ITPRID1: variants seen among roughly 807,000 people sequenced by gnomAD.
The protein encoded by ITPRID1 is protein ITPRID1.
ITPRID1 carries 96 observed loss-of-function variants against 95.4 expected under a neutral mutation model. The observed-to-expected ratio is 1.01, with a 90% CI of 0.85 to 1.19. The LOEUF (loss-of-function observed/expected upper bound fraction) is 1.19. Ranked by LOEUF, ITPRID1 falls within the 50% of genes most tolerant of loss-of-function variation. The pLI is 0.00. For missense variants in ITPRID1, 1,339 were observed against 1,252.9 expected, an observed-to-expected ratio of 1.07 and a Z score of -1.04; for synonymous variants, 510 against 453.6, an observed-to-expected ratio of 1.12 and a Z score of -1.58.
chr7:31,643,970 G>A lies in ITPRID1; in HGVS notation c.2583+17G>A. The A allele has an allele frequency of 1.3e-6, 2 of 1,581,744 alleles. No homozygotes were observed. The highest frequency in any genetic ancestry group is 1.7e-6 in the Non-Finnish European group (2 of 1,165,406). Reference sequence around the variant, plus strand: ...CTATGTTCCGTAAGTGTTCACCCTGGCAAAGATGGAAAGGCAGATGCACCC... The same window carrying A: ...CTATGTTCCGTAAGTGTTCACCCTGACAAAGATGGAAAGGCAGATGCACCC... On this transcript the variant is annotated intron_variant, in intron 12 of 14. Transcript: ENST00000615280.
intron 10 of ITPRID1, among the ~76,000 whole-genome samples, chr7:31,603,042 A>G (rs902529913): frequency 2.0e-5 from 3 of 152,036 alleles, no homozygotes; most frequent in African/African-American, 7.2e-5. Flanking sequence ...TCTTGGGGGT[A>G]GCCACACTTC....
At chr7:31,638,029 G>T (rs1789652829) in intron 10 of ITPRID1, among the ~76,000 whole-genome samples, 1 of 152,074 alleles carries the variant, frequency 6.6e-6, no homozygotes, top group Admixed American at 6.6e-5. Context: ...TTCAGGATGG[G>T]CTGCCCTCTC....
chr7:31,598,130 T>A (rs1039393363), intron 10 of ITPRID1, among the ~76,000 whole-genome samples: 3 of 152,088 alleles, frequency 2.0e-5, no homozygotes, highest in Non-Finnish European at 4.4e-5. Context: ...ACAGTGTAAG[T>A]GTAAAAAGTA....
downstream of ITPRID1, chr7:31,658,481 A>C (rs1419434315): frequency 4.8e-5 from 57 of 1,181,440 alleles, no homozygotes; most frequent in Non-Finnish European, 5.9e-5. Context: ...TTAGAGTATC[A>C]AAGTGGTGCC....
intron 8 of ITPRID1, among the ~76,000 whole-genome samples, chr7:31,575,863 G>A (rs1198042938): frequency 6.8e-6 from 1 of 146,344 alleles, no homozygotes; most frequent in African/African-American, 2.5e-5. Context: ...GGTAAAATGG[G>A]TCTCAAAACT....
chr7:31,553,623 C>G (rs1482483839), intron 3 of ITPRID1, among the ~76,000 whole-genome samples: 2 of 152,182 alleles, frequency 1.3e-5, no homozygotes, highest in Non-Finnish European at 2.9e-5. Context: ...TCCCTGCCCC[C>G]ATTATGTAAC....
At chr7:31,590,912 A>G (rs1160729165) in intron 10 of ITPRID1, among the ~76,000 whole-genome samples, 1 of 152,252 alleles carries the variant, frequency 6.6e-6, no homozygotes, top group Non-Finnish European at 1.5e-5. Flanking sequence ...ACAAGCATGG[A>G]GAGGTTAAAT....
Position 31,643,255 on chromosome 7 carries a change from A to T in ITPRID1, c.1885A>T (p.Thr629Ser). The change falls in exon 12 of 15, where the codon ACC becomes TCC. Residue 629 changes from threonine (T) to serine (S), a missense_variant. Transcript: ENST00000615280. ...EEESSGFCPH[T>S]NHSLLVPESS... ...GGAAAGCAGTGGATTCTGTCCTCACACCAACCACAGCTTACTCGTACCAGA... is the reference window on the plus strand; with the variant it reads ...GGAAAGCAGTGGATTCTGTCCTCACTCCAACCACAGCTTACTCGTACCAGA... 6.2e-7 allele frequency: 1 copy of T among 1,613,766 alleles called. No homozygotes were observed. The highest frequency in any genetic ancestry group is 8.5e-7 in the Non-Finnish European group (1 of 1,179,878).
chr7:31,654,836 T>C lies in ITPRID1; in HGVS notation c.*2007T>C, dbSNP rs371440485. ...CAAGTAACCTCAGAAACTAATTCTATTGAAACCACCCACTACTCAAAACCA... is the reference window on the plus strand; with the variant it reads ...CAAGTAACCTCAGAAACTAATTCTACTGAAACCACCCACTACTCAAAACCA... On this transcript the variant is annotated 3_prime_UTR_variant, in exon 15 of 15. Coordinates refer to ENST00000615280, the MANE Select transcript of ITPRID1 (RefSeq NM_001257967.3). Among the ~76,000 whole-genome samples the C allele has an allele frequency of 3.3e-5, 5 of 152,180 alleles. No individual in the cohort carries two copies. Among genetic ancestry groups the C allele is most frequent in the East Asian group, 3.8e-4 (2 of 5,198 alleles).
chr7:31,561,899 T>C (rs548842861), intron 5 of ITPRID1, among the ~76,000 whole-genome samples: 16 of 152,122 alleles, frequency 1.1e-4, no homozygotes, highest in Non-Finnish European at 1.9e-4. Context: ...GACCTTCCTG[T>C]AACCACAAAC....
chr7:31,626,201 A>G (rs1435825708), intron 10 of ITPRID1, among the ~76,000 whole-genome samples: 1 of 152,224 alleles, frequency 6.6e-6, no homozygotes. Context: ...TTGTAAAAGC[A>G]AAGTTCTTTA....
At chr7:31,559,756 C>T (rs1289272335) in intron 5 of ITPRID1, among the ~76,000 whole-genome samples, 1 of 152,140 alleles carries the variant, frequency 6.6e-6, no homozygotes, top group East Asian at 1.9e-4. Flanking sequence ...CACATAAAAC[C>T]CATGATGAAA....
rs1790925395 is a variant in ITPRID1 at position 31,651,287 on chromosome 7, C to G, written c.2711+18C>G. 1 of 1,609,722 alleles carries G rather than the reference C, an allele frequency of 6.2e-7. No individual in the cohort carries two copies. The highest frequency in any genetic ancestry group is 1.7e-5 in the Admixed American group (1 of 59,682). Reference sequence around the variant, plus strand: ...GAGGAAAGGTAATTACCTAAGGGAGCCATAAAAGTAAGTACCAGCCCACAC... The same window carrying G: ...GAGGAAAGGTAATTACCTAAGGGAGGCATAAAAGTAAGTACCAGCCCACAC... On this transcript the variant is annotated intron_variant, in intron 13 of 14. Transcript: ENST00000615280.
Position 31,653,019 on chromosome 7 carries a change from G to T in ITPRID1, c.*190G>T. On this transcript the variant is annotated 3_prime_UTR_variant, in exon 15 of 15. Coordinates refer to ENST00000615280, the MANE Select transcript of ITPRID1 (RefSeq NM_001257967.3). ...AATACTCATTCAGTATAGAATAACTGAGCACCTAGTATGTGCCTGGCACAG... is the reference window on the plus strand; with the variant it reads ...AATACTCATTCAGTATAGAATAACTTAGCACCTAGTATGTGCCTGGCACAG... 7.2e-7 allele frequency: 1 copy of T among 1,387,418 alleles called. No individual in the cohort carries two copies. Among genetic ancestry groups the T allele is most frequent in the Non-Finnish European group, 9.4e-7 (1 of 1,061,746 alleles). The allele number at this position is 1,387,418 out of a possible 1,614,324, so 85.9% of individuals were successfully genotyped here. A position where few individuals can be genotyped will look rare whatever the true frequency, so the allele number is the denominator to read the frequency against.
rs368570779 is a variant in ITPRID1, at chr7:31,554,985, G to T, written c.256+84G>T. 9.7e-6 allele frequency: 10 copies of T among 1,035,222 alleles called. No homozygotes were observed. In the East Asian group the frequency reaches 1.0e-4, roughly 11 times the overall value. The allele number at this position is 1,035,222 out of a possible 1,614,324, so 64.1% of individuals were successfully genotyped here. A position where few individuals can be genotyped will look rare whatever the true frequency, so the allele number is the denominator to read the frequency against. On this transcript the variant is annotated intron_variant, in intron 5 of 14. Coordinates refer to ENST00000615280, the MANE Select transcript of ITPRID1 (RefSeq NM_001257967.3). ...CTACGTGAATAAATCTTCTTAAAAT[G>T]AGCATTATCAGAGGCTTCTAGAAAT...
Position 31,593,447 on chromosome 7 carries a change from A to T in ITPRID1, c.1228+10256A>T, listed in dbSNP as rs959777258. Among the ~76,000 whole-genome samples, 32 of 152,378 alleles carry T rather than the reference A, an allele frequency of 2.1e-4. No homozygotes were observed. The South Asian group carries it at 5.8e-3, about 28-fold the overall frequency. Reference sequence around the variant, plus strand: ...TGAGAAAAACAATATCTTATTAGATATGGTGAATGGAAATACATAGGCAGT... The same window carrying T: ...TGAGAAAAACAATATCTTATTAGATTTGGTGAATGGAAATACATAGGCAGT... On this transcript the variant is annotated intron_variant, in intron 10 of 14. Coordinates refer to ENST00000615280, the MANE Select transcript of ITPRID1 (RefSeq NM_001257967.3).
At chr7:31,590,730 A>C (rs1184536411) in intron 10 of ITPRID1, among the ~76,000 whole-genome samples, 1 of 152,232 alleles carries the variant, frequency 6.6e-6, no homozygotes, top group East Asian at 1.9e-4. Context: ...ACTCCTAAGC[A>C]GTAAGAAGCC....
chr7:31,650,684 A>G (rs1790867598), intron 12 of ITPRID1, among the ~76,000 whole-genome samples: 1 of 152,178 alleles, frequency 6.6e-6, no homozygotes, highest in Non-Finnish European at 1.5e-5. Flanking sequence ...CATTATTCTA[A>G]GCAGATTTTC....
At chr7:31,634,709 G>A (rs1376938886) in intron 10 of ITPRID1, among the ~76,000 whole-genome samples, 2 of 152,108 alleles carry the variant, frequency 1.3e-5, no homozygotes, top group Non-Finnish European at 2.9e-5. Context: ...ATTGTGCAGG[G>A]CTTGGTGGTG....
Sources: gnomAD v4.1 joint callset for allele counts (sites outside exome capture counted in the v4.1 genomes callset) on GRCh38, gnomAD v4.1.1 for gene constraint, MANE v1.5 for transcripts, NCBI Gene and HGNC (gene_info 2026-07-23, HGNC 2026-07-21) for gene names.